The following EPHB1 variants were observed in gnomAD, a reference collection of about 807,000 sequenced individuals.
EPHB1 encodes the protein ephrin type-B receptor 1.
A neutral mutation model predicts 94.4 loss-of-function variants in EPHB1; 30 were observed. That is an observed-to-expected ratio of 0.32 (90% CI 0.24 to 0.43). EPHB1 has a LOEUF of 0.43. Ranked by LOEUF, EPHB1 falls within the 20% of genes least tolerant of loss-of-function variation. The probability of loss-of-function intolerance (pLI) is 1.00; values close to 1 mark genes in which losing one functional copy is unlikely to be tolerated. For synonymous variants in EPHB1, 522 were observed against 489.1 expected, an observed-to-expected ratio of 1.07 and a Z score of -0.89; for missense variants, 1,055 against 1,308.3, an observed-to-expected ratio of 0.81 and a Z score of 2.99.
intron 3 of EPHB1, among the ~76,000 whole-genome samples, chr3:135,061,201 A>G (rs1937491582): frequency 6.6e-6 from 1 of 152,110 alleles, no homozygotes; most frequent in Non-Finnish European, 1.5e-5. Flanking sequence ...TTCAGTGGTG[A>G]TTTGTGAGAT....
intron 10 of EPHB1, among the ~76,000 whole-genome samples, chr3:135,190,318 C>A (rs1261764873): frequency 2.6e-5 from 4 of 152,198 alleles, no homozygotes; most frequent in African/African-American, 9.6e-5. Flanking sequence ...AATATTAACA[C>A]ACCTTTACCC....
At chr3:134,962,553 G>A (rs1370798021) in intron 3 of EPHB1, among the ~76,000 whole-genome samples, 1 of 152,130 alleles carries the variant, frequency 6.6e-6, no homozygotes, top group East Asian at 1.9e-4. Flanking sequence ...CAGGAAGGCC[G>A]AATCTGCCTG....
At chr3:135,039,002 T>G (rs1181198136) in intron 3 of EPHB1, among the ~76,000 whole-genome samples, 2 of 152,078 alleles carry the variant, frequency 1.3e-5, no homozygotes, top group African/African-American at 2.4e-5. Flanking sequence ...GTTCTCTATG[T>G]CCCCATCAGA....
chr3:134,830,223 C>T (rs1679036628), intron 1 of EPHB1, among the ~76,000 whole-genome samples: 1 of 152,160 alleles, frequency 6.6e-6, no homozygotes. Flanking sequence ...GACATATGCC[C>T]ATTTACTCCT....
At chr3:134,820,159 C>T (rs1038740037) in intron 1 of EPHB1, among the ~76,000 whole-genome samples, 1 of 152,042 alleles carries the variant, frequency 6.6e-6, no homozygotes, top group African/African-American at 2.4e-5. Context: ...CTACCTATCT[C>T]AGCCTGGGAG....
chr3:135,049,171 C>T (rs73864237), intron 3 of EPHB1, among the ~76,000 whole-genome samples: 15,143 of 152,214 alleles, frequency 0.099, 1,466 homozygotes, highest in African/African-American at 0.25. Context: ...AGATTTTTTG[C>T]TGTCTTTAAA....
At chr3:135,046,775 C>G (rs1199200158) in intron 3 of EPHB1, among the ~76,000 whole-genome samples, 1 of 152,172 alleles carries the variant, frequency 6.6e-6, no homozygotes, top group Non-Finnish European at 1.5e-5. Context: ...TTATTCTCCT[C>G]TAACATGGGA....
chr3:134,862,374 G>C (rs1179113736), intron 1 of EPHB1, among the ~76,000 whole-genome samples: 1 of 151,954 alleles, frequency 6.6e-6, no homozygotes, highest in Non-Finnish European at 1.5e-5. Flanking sequence ...TCTTCATGGA[G>C]CCCTAAAACA....
chr3:135,144,279 C>A (rs1390276567), intron 5 of EPHB1, among the ~76,000 whole-genome samples: 1 of 152,212 alleles, frequency 6.6e-6, no homozygotes, highest in Non-Finnish European at 1.5e-5. Context: ...TTGACCAAAA[C>A]TGAATGGCCT....
intron 4 of EPHB1, among the ~76,000 whole-genome samples, chr3:135,110,641 C>G (rs1220833662): frequency 6.6e-6 from 1 of 152,244 alleles, no homozygotes; most frequent in Non-Finnish European, 1.5e-5. Context: ...TCAGGTCTGT[C>G]TGACTCTAAT....
In EPHB1 at chr3:135,132,775, G is replaced by A. The variant is rs759556838; in HGVS notation, c.1023G>A (p.Glu341=). The change falls in exon 5 of 16, where the codon GAG becomes GAA. Residue 341 remains glutamate (E), a synonymous_variant. Coordinates refer to ENST00000398015, the MANE Select transcript of EPHB1 (RefSeq NM_004441.5). ...SIVNETSIIL[E]WHPPRETGGR... The stretch of plus-strand genomic sequence containing the variant: ...TCAATGAGACGTCCATCATTCTGGA[G>A]TGGCACCCTCCAAGGGAGACAGGTG... The A allele has an allele frequency of 6.5e-5, 105 of 1,613,224 alleles. No homozygotes were observed. Among genetic ancestry groups the A allele is most frequent in the Non-Finnish European group, 8.1e-5 (96 of 1,179,374 alleles).
chr3:134,957,753 C>T (rs2107719647), intron 3 of EPHB1, among the ~76,000 whole-genome samples: 1 of 152,292 alleles, frequency 6.6e-6, no homozygotes, highest in East Asian at 1.9e-4. Context: ...ACTACTGGTC[C>T]CAGCAGCATG....
At chr3:134,823,213 G>A (rs577255888) in intron 1 of EPHB1, among the ~76,000 whole-genome samples, 21 of 152,332 alleles carry the variant, frequency 1.4e-4, no homozygotes, top group Admixed American at 1.3e-3. Context: ...CGACTCAACT[G>A]CCTCCTTGAT....
At chr3:134,928,348 C>G (rs1370113577) in intron 2 of EPHB1, among the ~76,000 whole-genome samples, 1 of 152,230 alleles carries the variant, frequency 6.6e-6, no homozygotes, top group Non-Finnish European at 1.5e-5. Context: ...GCACAATACA[C>G]AGTCCCAAAG....
Position 135,259,001 on chromosome 3 carries a change from T to C in EPHB1, c.2847-11T>C. On this transcript the variant is annotated splice_polypyrimidine_tract_variant and intron_variant, in intron 15 of 15. Transcript: ENST00000398015. ...ACTAAAGTGACTTCTTTTCTGGCTC[T>C]TTCCTCCTAGAGACCTCCTGAGAAT... The C allele has an allele frequency of 6.3e-7, 1 of 1,594,304 alleles. No individual in the cohort carries two copies. The highest frequency in any genetic ancestry group is 8.6e-7 in the Non-Finnish European group (1 of 1,169,128).
At chr3:134,893,684 C>G (rs2038031301) in intron 1 of EPHB1, among the ~76,000 whole-genome samples, 5 of 152,234 alleles carry the variant, frequency 3.3e-5, no homozygotes, top group Admixed American at 3.3e-4. Context: ...GCTGATTCTT[C>G]TAGGAAATAT....
intron 1 of EPHB1, among the ~76,000 whole-genome samples, chr3:134,911,468 G>T (rs1163592417): frequency 6.6e-6 from 1 of 152,176 alleles, no homozygotes; most frequent in Non-Finnish European, 1.5e-5. Flanking sequence ...ATTTGGTGGG[G>T]TGGAGTCAGG....
At chr3:135,191,040 A>T (rs1028300131) in intron 10 of EPHB1, among the ~76,000 whole-genome samples, 1 of 151,794 alleles carries the variant, frequency 6.6e-6, no homozygotes, top group Admixed American at 6.6e-5. Context: ...CAGGAGCTCG[A>T]GTATAGCATG....
In EPHB1 at chr3:134,798,866, A is replaced by G. The variant is rs559655049; in HGVS notation, c.58+3177A>G. ...AGCAACCTGAAATTGCTAACTGCTC[A>G]TAGCATTCTCCCAACCCCACTCCCT... On this transcript the variant is annotated intron_variant, in intron 1 of 15. Coordinates refer to ENST00000398015, the MANE Select transcript of EPHB1 (RefSeq NM_004441.5). Among the ~76,000 whole-genome samples the G allele has an allele frequency of 1.2e-4, 19 of 152,298 alleles. No individual in the cohort carries two copies. In the East Asian group the frequency reaches 2.9e-3, roughly 23 times the overall value.
Sources: allele counts gnomAD v4.1 joint callset (sites outside exome capture counted in the v4.1 genomes callset), GRCh38; gene constraint gnomAD v4.1.1; transcripts MANE v1.5; gene names NCBI Gene and HGNC (gene_info 2026-07-23, HGNC 2026-07-21).